Variants in RPS6KL1 observed in about 807,000 individuals in gnomAD.
The protein encoded by RPS6KL1 is ribosomal protein S6 kinase-like 1.
RPS6KL1 carries 41 observed loss-of-function variants against 57.0 expected under a neutral mutation model. That is an observed-to-expected ratio of 0.72 (90% confidence interval 0.56 to 0.93). The LOEUF (loss-of-function observed/expected upper bound fraction) is 0.93. Ranked by LOEUF, RPS6KL1 falls within the 40% of genes least tolerant of loss-of-function variation. The pLI, the probability that RPS6KL1 is intolerant of heterozygous loss-of-function variation, is 0.00. For synonymous variants in RPS6KL1, 287 were observed against 309.7 expected (o/e 0.93, Z 0.77); for missense variants, 697 against 727.7 (o/e 0.96, Z 0.49).
intron 2 of RPS6KL1, 138 bp downstream of exon 2, chr14:74,921,840 C>T (rs967612972): frequency 1.7e-5 from 13 of 768,184 alleles, no homozygotes; most frequent in African/African-American, 7.7e-5. Context: ...TGCAGTGGTG[C>T]GATCTCGGCT....
intron 10 of RPS6KL1, 90 bp downstream of exon 10, chr14:74,908,760 C>T (rs1393246186): frequency 8.5e-7 from 1 of 1,177,744 alleles, no homozygotes; most frequent in African/African-American, 1.5e-5. Context: ...GCCAGGCAGT[C>T]TCTGCCCAGA....
intron 9 of RPS6KL1, 22 bp from the exon 10 acceptor site, chr14:74,908,954 T>A: frequency 6.2e-7 from 1 of 1,607,662 alleles, no homozygotes; most frequent in Non-Finnish European, 8.5e-7. Context: ...AGAACACAGG[T>A]GTCCCAGCCT....
chr14:74,907,330 C>G (rs1885070443), intron 11 of RPS6KL1, 105 bp downstream of exon 11: 15 of 1,491,404 alleles, frequency 1.0e-5, no homozygotes, highest in Non-Finnish European at 1.3e-5. Context: ...GCACCCACAT[C>G]AGACACTGAG....
intron 3 of RPS6KL1, among the ~76,000 whole-genome samples, chr14:74,920,304 G>A (rs1887618182): frequency 6.6e-6 from 1 of 152,208 alleles, no homozygotes; most frequent in Non-Finnish European, 1.5e-5. Context: ...TTTCAGAGGA[G>A]GGGATAGAAG....
intron 9 of RPS6KL1, 49 bp downstream of exon 9, chr14:74,909,048 CCACA>C (rs1885416174): frequency 6.3e-7 from 1 of 1,595,478 alleles, no homozygotes; most frequent in Non-Finnish European, 8.6e-7. Flanking sequence ...TGGGCACAAC[CCACA>C]CAAAGGCACC....
At chr14:74,918,816 C>G (rs1333409982) in intron 4 of RPS6KL1, among the ~76,000 whole-genome samples, 1 of 152,190 alleles carries the variant, frequency 6.6e-6, no homozygotes, top group Admixed American at 6.5e-5. Context: ...GGTGGTCAGG[C>G]CGACCTCTCT....
intron 1 of RPS6KL1, 56 bp from the exon 2 acceptor site, chr14:74,922,541 T>G: frequency 6.1e-6 from 1 of 162,934 alleles, no homozygotes; most frequent in African/African-American, 2.4e-5. Flanking sequence ...GGATGGGGGG[T>G]AGAAGAGGGC....
Position 74,909,709 on chromosome 14 carries a change from C to T in RPS6KL1, c.1104G>A (p.Leu368=), listed in dbSNP as rs768932723. ...GCGRGMDQSC[L]SADGAGRGCG... The stretch of plus-strand genomic sequence containing the variant: ...AGCCCCGGCCGGCCCCATCTGCTGA[C>T]AGGCAGCTCTGATCCATGCCTCGGC... Residue 368 remains leucine, a synonymous_variant, in exon 8 of 12, where the codon CTG becomes CTA. Transcript: ENST00000557413. 31 of 1,608,830 alleles carry T rather than the reference C, an allele frequency of 1.9e-5. No individual in the cohort carries two copies. The highest frequency in any genetic ancestry group is 2.5e-5 in the Non-Finnish European group (30 of 1,179,904).
At chr14:74,913,814 C>T (rs1431524727) in intron 5 of RPS6KL1, among the ~76,000 whole-genome samples, 1 of 152,226 alleles carries the variant, frequency 6.6e-6, no homozygotes, top group Admixed American at 6.5e-5. Flanking sequence ...GTGATTATTA[C>T]CAGTGTCATC....
intron 6 of RPS6KL1, 191 bp downstream of exon 6, chr14:74,911,599 ATGTG>A (rs1594921673): frequency 1.1e-3 from 1 of 924 alleles, no homozygotes; most frequent in East Asian, 0.042. Context: ...GTTTGTGTGT[ATGTG>A]TATGTGTATG....
intron 5 of RPS6KL1, among the ~76,000 whole-genome samples, chr14:74,916,770 T>C (rs1424084016): frequency 1.3e-5 from 2 of 152,170 alleles, no homozygotes; most frequent in African/African-American, 4.8e-5. Context: ...ACCACTTTCC[T>C]GAGGCTAAAC....
intron 6 of RPS6KL1, 172 bp from the exon 7 acceptor site, chr14:74,911,552 C>T (rs987516878): frequency 2.6e-6 from 2 of 764,484 alleles, no homozygotes; most frequent in East Asian, 2.7e-5. Context: ...GGTCCTCCAC[C>T]CTCTAGCCAA....
Position 74,906,492 on chromosome 14 carries a change from C to G in RPS6KL1, c.*522G>C. On this transcript the variant is annotated 3_prime_UTR_variant, in exon 12 of 12. Coordinates refer to ENST00000557413, the MANE Select transcript of RPS6KL1 (RefSeq NM_031464.5). Reference sequence around the variant, plus strand: ...ATGGCATCCCTGCTTCTGGGCCTCCCCAGCTGCACGAACAGCTTCTGGTGG... The same window carrying G: ...ATGGCATCCCTGCTTCTGGGCCTCCGCAGCTGCACGAACAGCTTCTGGTGG... 1 of 474,124 alleles carries G rather than the reference C, an allele frequency of 2.1e-6. No individual in the cohort carries two copies. Among genetic ancestry groups the G allele is most frequent in the South Asian group, 1.5e-5 (1 of 64,874 alleles). 29.4% of individuals were successfully genotyped at this position (474,124 alleles called of 1,614,324 possible).
At position 74,919,829 on chromosome 14, in the gene RPS6KL1, G is replaced by GGC. The variant is rs746351370; in HGVS notation, c.390+15_390+16insGC. On this transcript the variant is annotated intron_variant, in intron 4 of 11. Coordinates refer to ENST00000557413, the MANE Select transcript of RPS6KL1 (RefSeq NM_031464.5). ...CTCCTCCCGCTCAGGCCTTTGGGTG[G>GGC]GGGGGGTCTCCTCACCGCGCTGGGG... 6.2e-7 allele frequency: 1 copy of GGC among 1,608,754 alleles called. No individual in the cohort carries two copies.
rs201010227 is a variant in RPS6KL1 at position 74,919,827 on chromosome 14, T to G, written c.390+18A>C. The G allele has an allele frequency of 4.3e-5, 68 of 1,587,254 alleles. No individual in the cohort carries two copies. Among genetic ancestry groups the G allele is most frequent in the African/African-American group, 1.4e-4 (10 of 74,060 alleles). ...CCCTCCTCCCGCTCAGGCCTTTGGG[T>G]GGGGGGGGTCTCCTCACCGCGCTGG... On this transcript the variant is annotated intron_variant, in intron 4 of 11. Transcript: ENST00000557413.
At position 74,911,789 on chromosome 14, in the gene RPS6KL1, C is replaced by G; in HGVS notation, c.531+5G>C. 6.4e-7 allele frequency: 1 copy of G among 1,553,586 alleles called. No homozygotes were observed. The highest frequency in any genetic ancestry group is 1.4e-5 in the African/African-American group (1 of 73,100). ...GCAGAGTGGCAGGGGCAGGGTGGCA[C>G]CTGCCTTCACCACAAAGGTCCCTCC... On this transcript the variant is annotated splice_donor_5th_base_variant and intron_variant, in intron 6 of 11. Coordinates refer to ENST00000557413, the MANE Select transcript of RPS6KL1 (RefSeq NM_031464.5).
intron 1 of RPS6KL1, among the ~76,000 whole-genome samples, chr14:74,922,927 G>A (rs1888079830): frequency 6.6e-6 from 1 of 152,230 alleles, no homozygotes; most frequent in African/African-American, 2.4e-5. Context: ...CACCATCCCT[G>A]CTCGGCCAAG....
At chr14:74,922,971 TGGG>T (rs1888088875) in intron 1 of RPS6KL1, among the ~76,000 whole-genome samples, 1 of 152,062 alleles carries the variant, frequency 6.6e-6, no homozygotes, top group African/African-American at 2.4e-5. Context: ...GGCCTTGCTC[TGGG>T]GGGTGCCCGG....
At chr14:74,911,971 C>G (rs1284558458) in intron 5 of RPS6KL1, 130 bp from the exon 6 acceptor site, 2 of 705,828 alleles carry the variant, frequency 2.8e-6, no homozygotes, top group Non-Finnish European at 5.0e-6. Flanking sequence ...GGAGGGCGGG[C>G]TTTGGTGGCA....
Sources: allele counts gnomAD v4.1 joint callset (sites outside exome capture counted in the v4.1 genomes callset), GRCh38; gene constraint gnomAD v4.1.1; transcripts MANE v1.5; gene names NCBI Gene and HGNC (gene_info 2026-07-23, HGNC 2026-07-21).